SEMA7A: variants seen among roughly 807,000 people sequenced by gnomAD.
SEMA7A encodes semaphorin-7A.
A neutral mutation model predicts 67.5 loss-of-function variants in SEMA7A; 21 were observed. The observed-to-expected ratio is 0.31, with a 90% CI of 0.22 to 0.45. The LOEUF is 0.45. Among genes scored for constraint, SEMA7A ranks in the 20% least tolerant of loss-of-function variants. The probability of loss-of-function intolerance (pLI) is 1.00; values close to 1 mark genes in which losing one functional copy is unlikely to be tolerated. For missense variants in SEMA7A, 774 were observed against 908.6 expected (o/e 0.85, Z 1.90); for synonymous variants, 364 against 368.5 (o/e 0.99, Z 0.14).
In SEMA7A at chr15:74,418,849, C is replaced by A; in HGVS notation, c.282G>T (p.Lys94Asn). Residue 94 changes from lysine to asparagine, a missense_variant, in exon 2 of 14, where the codon AAG becomes AAT. This residue lies in a region of SEMA7A where 347 missense variants were observed against 353.2 expected (regional missense o/e 0.98). Coordinates refer to ENST00000261918, the MANE Select transcript of SEMA7A (RefSeq NM_003612.5). ...CCTCGGGGAAGTCAAAGAGGTAGAC[C>A]TTGCCACGTCCTCCCACCCACACAG... is the stretch of plus-strand genomic sequence containing the variant. ...SSSVWVGGRG[K>N]VYLFDFPEGK... The A allele has an allele frequency of 6.2e-7, 1 of 1,613,938 alleles. No homozygotes were observed. The highest frequency in any genetic ancestry group is 8.5e-7 in the Non-Finnish European group (1 of 1,180,016).
chr15:74,424,704 G>C (rs770843977), intron 1 of SEMA7A, among the ~76,000 whole-genome samples: 1 of 152,194 alleles, frequency 6.6e-6, no homozygotes, highest in African/African-American at 2.4e-5. Flanking sequence ...TGCTGAGCAG[G>C]ATTCAGGGAC....
chr15:74,418,930 C>T lies in SEMA7A; in HGVS notation c.201G>A (p.Val67=). 1.2e-6 allele frequency: 2 copies of T among 1,613,712 alleles called. No homozygotes were observed. The highest frequency in any genetic ancestry group is 1.7e-5 in the Admixed American group (1 of 60,028). Residue 67 remains valine, a synonymous_variant, in exon 2 of 14, where the codon GTG becomes GTA. Coordinates refer to ENST00000261918, the MANE Select transcript of SEMA7A (RefSeq NM_003612.5). The part of the protein sequence containing the change: ...VWKGHVGQDR[V]DFGQTEPHTV... ...TGTGCGGCTCAGTCTGGCCAAAGTC[C>T]ACCCGGTCCTGCCCTACATGGCCTG...
Position 74,417,382 on chromosome 15 carries a change from C to T in SEMA7A, c.614G>A (p.Arg205His), listed in dbSNP as rs755234203. The change falls in exon 6 of 14, where the codon CGC becomes CAC. Residue 205 changes from arginine to histidine, a missense_variant. Arg to His is a conservative substitution (Grantham distance 29). Coordinates refer to ENST00000261918, the MANE Select transcript of SEMA7A (RefSeq NM_003612.5). ...EYNGKIPRFRRIRGESELYTS... is the reference protein window; with the variant it reads ...EYNGKIPRFRHIRGESELYTS... ...GTACAGCTCACTCTCGCCCCGGATGCGGCGGAACCGAGGGATCTTCCCATT... is the reference window on the plus strand; with the variant it reads ...GTACAGCTCACTCTCGCCCCGGATGTGGCGGAACCGAGGGATCTTCCCATT... The T allele has an allele frequency of 5.0e-6, 8 of 1,613,990 alleles. No homozygotes were observed. The highest frequency in any genetic ancestry group is 1.7e-5 in the Admixed American group (1 of 60,028).
intron 3 of SEMA7A, 31 bp downstream of exon 3, chr15:74,418,237 C>T (rs755882562): frequency 3.1e-6 from 5 of 1,608,402 alleles, no homozygotes; most frequent in Admixed American, 1.7e-5. Flanking sequence ...CCAAGTGGCT[C>T]AGACCCCTCC....
chr15:74,418,569 G>A lies in SEMA7A; in HGVS notation c.330+232C>T, dbSNP rs185655884. Among the ~76,000 whole-genome samples, 53 of 152,320 alleles carry A rather than the reference G, an allele frequency of 3.5e-4. No individual in the cohort carries two copies. The East Asian group carries it at 6.4e-3, about 18-fold the overall frequency. On this transcript the variant is annotated intron_variant, in intron 2 of 13. Transcript: ENST00000261918. Reference sequence around the variant, plus strand: ...TCCAGCCTGGGCTTTCCGCAGCAGCGCTGCCCAGCTGGCCAGGCCCATTAG... The same window carrying A: ...TCCAGCCTGGGCTTTCCGCAGCAGCACTGCCCAGCTGGCCAGGCCCATTAG...
In SEMA7A at chr15:74,411,777, C is replaced by T. The variant is rs2060902963; in HGVS notation, c.1423-67G>A. The T allele has an allele frequency of 1.9e-6, 3 of 1,604,032 alleles. No homozygotes were observed. Among genetic ancestry groups the T allele is most frequent in the Admixed American group, 3.4e-5 (2 of 59,386 alleles). ...CACACTCAGTCCTAAATGTCCAGGC[C>T]CTAAGGCCTAGAAGCTCTTAAAAGA... On this transcript the variant is annotated intron_variant, in intron 11 of 13. Coordinates refer to ENST00000261918, the MANE Select transcript of SEMA7A (RefSeq NM_003612.5). The surrounding 1 kb of genome is among the most constrained non-coding windows in gnomAD (Gnocchi z 4.4).
At chr15:74,416,007 G>C (rs753178863) in intron 7 of SEMA7A, 22 bp from the exon 8 acceptor site, 1 of 1,610,262 alleles carries the variant, frequency 6.2e-7, no homozygotes, top group South Asian at 1.1e-5. Flanking sequence ...GAGGGGAGAA[G>C]AGGCCCCTCA....
chr15:74,416,375 G>A (rs561994023), intron 7 of SEMA7A, among the ~76,000 whole-genome samples, 200 bp downstream of exon 7: 6 of 151,740 alleles, frequency 4.0e-5, no homozygotes, highest in Admixed American at 3.3e-4. Flanking sequence ...GCCATCATAC[G>A]TGCACAGGAG....
In SEMA7A at chr15:74,411,783, G is replaced by A; in HGVS notation, c.1423-73C>T. The A allele has an allele frequency of 6.2e-7, 1 of 1,603,290 alleles. No homozygotes were observed. Among genetic ancestry groups the A allele is most frequent in the Non-Finnish European group, 8.5e-7 (1 of 1,176,208 alleles). ...CAGTCCTAAATGTCCAGGCCCTAAG[G>A]CCTAGAAGCTCTTAAAAGAACACAC... On this transcript the variant is annotated intron_variant, in intron 11 of 13. Transcript: ENST00000261918. This position sits in a 1 kb window ranked among gnomAD's most constrained non-coding sequence, Gnocchi z 4.4.
Position 74,409,631 on chromosome 15 carries a change from A to T in SEMA7A, c.*993T>A, listed in dbSNP as rs2060881994. The T allele has an allele frequency of 7.2e-6, 1 of 139,506 alleles. No individual in the cohort carries two copies. Among genetic ancestry groups the T allele is most frequent in the African/African-American group, 2.7e-5 (1 of 36,820 alleles). The allele number at this position is 139,506 out of a possible 1,614,324, so 8.6% of individuals were successfully genotyped here. A position where few individuals can be genotyped will look rare whatever the true frequency, so the allele number is the denominator to read the frequency against. On this transcript the variant is annotated 3_prime_UTR_variant, in exon 14 of 14. Coordinates refer to ENST00000261918, the MANE Select transcript of SEMA7A (RefSeq NM_003612.5). ...GAGGCCCCCCGCCCCCCAACCCTCA[A>T]CGCCAAGGGCAGAGTCCTGGAACCT...
Position 74,417,932 on chromosome 15 carries a change from C to T in SEMA7A, c.410G>A (p.Ser137Asn). 6.2e-7 allele frequency: 1 copy of T among 1,613,344 alleles called. No individual in the cohort carries two copies. Among genetic ancestry groups the T allele is most frequent in the Non-Finnish European group, 8.5e-7 (1 of 1,180,020 alleles). ...GGTGCCACAGGCCAGCAGCCCCTCA[C>T]TCCGCCTCTCCAGGAGAGTGATGTA... Reference protein sequence around the residue: ...ENYITLLERRSEGLLACGTNA... With the variant: ...ENYITLLERRNEGLLACGTNA... Residue 137 changes from serine (S) to asparagine (N), a missense_variant, in exon 4 of 14, where the codon AGT becomes AAT. Physicochemically the swap from Ser to Asn is conservative, Grantham distance 46. Coordinates refer to ENST00000261918, the MANE Select transcript of SEMA7A (RefSeq NM_003612.5).
At chr15:74,415,696 C>T (rs2060942167) in intron 8 of SEMA7A, 105 bp downstream of exon 8, 5 of 1,186,960 alleles carry the variant, frequency 4.2e-6, no homozygotes, top group Non-Finnish European at 5.8e-6. Flanking sequence ...CCTGCAGCCC[C>T]TGCTCCTGCC....
At chr15:74,421,809 AGCCATCAGG>A (rs554406477) in intron 1 of SEMA7A, among the ~76,000 whole-genome samples, 131 of 152,326 alleles carry the variant, frequency 8.6e-4, no homozygotes, top group African/African-American at 3.1e-3. Context: ...GGCAGCACCA[AGCCATCAGG>A]GCCAGGCCTC....
Position 74,411,890 on chromosome 15 carries a change from C to T in SEMA7A, c.1417G>A (p.Glu473Lys). ...CGCAGTGGGGGAAGGCTCACCCGCTCAGCATCCAGCGACATGGTCTGGATG... is the reference window on the plus strand; with the variant it reads ...CGCAGTGGGGGAAGGCTCACCCGCTTAGCATCCAGCGACATGGTCTGGATG... ...AAIQTMSLDA[E>K]RRKLYVSSQW... Residue 473 changes from glutamate to lysine, a missense_variant, in exon 11 of 14, where the codon GAG becomes AAG. Coordinates refer to ENST00000261918, the MANE Select transcript of SEMA7A (RefSeq NM_003612.5). This position sits in a 1 kb window ranked among gnomAD's most constrained non-coding sequence, Gnocchi z 4.4. The T allele has an allele frequency of 6.2e-7, 1 of 1,613,844 alleles. No homozygotes were observed.
chr15:74,425,821 C>T (rs2061039603), intron 1 of SEMA7A, among the ~76,000 whole-genome samples: 1 of 152,224 alleles, frequency 6.6e-6, no homozygotes, highest in Non-Finnish European at 1.5e-5. Flanking sequence ...CTGGTGACTG[C>T]TTCCCTGTGG....
intron 4 of SEMA7A, 28 bp from the exon 5 acceptor site, chr15:74,417,703 C>T (rs769685426): frequency 3.2e-6 from 5 of 1,582,870 alleles, no homozygotes; most frequent in Admixed American, 3.4e-5. Context: ...GGTTGGATGG[C>T]CACATAATCC....
chr15:74,416,115 C>A (rs2141275587), intron 7 of SEMA7A, 130 bp from the exon 8 acceptor site: 2 of 946,988 alleles, frequency 2.1e-6, no homozygotes, highest in East Asian at 5.1e-5. Context: ...GGGGCCAGGA[C>A]CTGCCGGGGG....
Position 74,418,837 on chromosome 15 carries a change from A to G in SEMA7A, c.294T>C (p.Phe98=). The G allele has an allele frequency of 6.2e-7, 1 of 1,613,914 alleles. No individual in the cohort carries two copies. The highest frequency in any genetic ancestry group is 8.5e-7 in the Non-Finnish European group (1 of 1,179,986). The change falls in exon 2 of 14, where the codon TTT becomes TTC. Residue 98 remains phenylalanine (F), a synonymous_variant. Coordinates refer to ENST00000261918, the MANE Select transcript of SEMA7A (RefSeq NM_003612.5). ...WVGGRGKVYL[F]DFPEGKNASV... is the part of the protein sequence containing the mutation. ...ATGCGTTCTTGCCCTCGGGGAAGTC[A>G]AAGAGGTAGACCTTGCCACGTCCTC...
At chr15:74,427,126 T>A (rs2061050251) in intron 1 of SEMA7A, 1 of 718,384 alleles carries the variant, frequency 1.4e-6, no homozygotes. Context: ...TATTCCAGAC[T>A]GCTCCAGCCC....
Sources: gnomAD v4.1 joint callset for allele counts (sites outside exome capture counted in the v4.1 genomes callset) on GRCh38, gnomAD v4.1.1 for gene constraint, gnomAD v4.1.1 regional missense constraint, Gnocchi (gnomAD v3.1) non-coding constraint, MANE v1.5 for transcripts, NCBI Gene and HGNC (gene_info 2026-07-23, HGNC 2026-07-21) for gene names.